Variants in XPO1 observed in about 807,000 individuals in gnomAD.
XPO1 encodes the protein exportin-1.
XPO1 carries 5 observed loss-of-function variants against 133.3 expected under a neutral mutation model. The observed-to-expected ratio is 0.04, with a 90% confidence interval of 0.02 to 0.08. XPO1 has a LOEUF of 0.08. XPO1 is among the 10% of genes least tolerant of loss of function. The pLI is 1.00. For synonymous variants in XPO1, 419 were observed against 408.2 expected, an observed-to-expected ratio of 1.03 and a Z score of -0.32; for missense variants, 506 against 1,267.5, an observed-to-expected ratio of 0.40 and a Z score of 9.12.
chr2:61,528,888 A>C (rs1699035011), intron 2 of XPO1, among the ~76,000 whole-genome samples: 1 of 151,584 alleles, frequency 6.6e-6, no homozygotes, highest in African/African-American at 2.4e-5. Flanking sequence ...TGTATCTTTA[A>C]AGGTTGTTTT....
intron 3 of XPO1, chr2:61,526,044 A>T: frequency 9.3e-7 from 1 of 1,077,026 alleles, no homozygotes; most frequent in South Asian, 4.2e-5. Context: ...CTGTCCACAC[A>T]ACTTGGTGTC....
chr2:61,488,352 C>T (rs1696795796), intron 18 of XPO1, 81 bp from the exon 19 acceptor site: 1 of 1,362,434 alleles, frequency 7.3e-7, no homozygotes, highest in Non-Finnish European at 1.0e-6. Context: ...GATGCAATTC[C>T]ATTTTACCAT....
Position 61,496,863 on chromosome 2 carries a change from G to C in XPO1, c.888+16C>G, listed in dbSNP as rs775536897. On this transcript the variant is annotated intron_variant, in intron 10 of 24. Coordinates refer to ENST00000401558, the MANE Select transcript of XPO1 (RefSeq NM_003400.4). ...CTAAAATTATTCAGCCAATTTTCAA[G>C]ATAGTATTATATTACCTGCTTTAGT... is the stretch of plus-strand genomic sequence containing the variant. 25 of 1,539,610 alleles carry C rather than the reference G, an allele frequency of 1.6e-5. No homozygotes were observed. Among genetic ancestry groups the C allele is most frequent in the Non-Finnish European group, 2.1e-5 (24 of 1,146,180 alleles).
At position 61,478,391 on chromosome 2, in the gene XPO1, C is replaced by T. The variant is rs1246885825; in HGVS notation, c.*429G>A. ...TGCAGCACTATAATCCTTTAAACAA[C>T]GCAATTTGTTTTACTCATTATCTTT... is the stretch of plus-strand genomic sequence containing the variant. On this transcript the variant is annotated 3_prime_UTR_variant, in exon 25 of 25. Transcript: ENST00000401558. 7.8e-6 allele frequency: 2 copies of T among 255,140 alleles called. No individual in the cohort carries two copies. Among genetic ancestry groups the T allele is most frequent in the East Asian group, 1.2e-4 (2 of 17,314 alleles). 15.8% of individuals were successfully genotyped at this position (255,140 alleles called of 1,614,324 possible).
chr2:61,527,931 C>CT lies in XPO1; in HGVS notation c.127-1411dup, dbSNP rs879696205. 4.7e-4 allele frequency among the ~76,000 whole-genome samples: 68 copies of CT among 144,322 alleles called. 1 individual carries two copies. The highest frequency in any genetic ancestry group is 2.4e-3 in the South Asian group (11 of 4,532). The allele number at this position is 144,322 out of a possible 152,430, so 94.7% of individuals were successfully genotyped here. On this transcript the variant is annotated intron_variant, in intron 2 of 24. Coordinates refer to ENST00000401558, the MANE Select transcript of XPO1 (RefSeq NM_003400.4). ...TCCTTCCTTTATTCCTTTTTTCTCT[C>CT]TTTTTTTTTTTTAAAGTTGGAGTCT...
At chr2:61,507,983 G>A (rs1697910834) in intron 4 of XPO1, among the ~76,000 whole-genome samples, 1 of 152,078 alleles carries the variant, frequency 6.6e-6, no homozygotes, top group African/African-American at 2.4e-5. Flanking sequence ...ATCTTCAATG[G>A]ATTCAGATAC....
chr2:61,506,110 T>C (rs1463157429), intron 4 of XPO1, among the ~76,000 whole-genome samples: 1 of 152,006 alleles, frequency 6.6e-6, no homozygotes, highest in Non-Finnish European at 1.5e-5. Flanking sequence ...AATAAATAAA[T>C]AAATGCAGGT....
At chr2:61,483,414 C>A in intron 21 of XPO1, 1 of 240,272 alleles carries the variant, frequency 4.2e-6, no homozygotes. Context: ...AGGTGGAGTT[C>A]ATACACATGA....
At chr2:61,496,787 T>C in intron 10 of XPO1, 92 bp downstream of exon 10, 1 of 1,283,464 alleles carries the variant, frequency 7.8e-7, no homozygotes, top group South Asian at 2.0e-5. Flanking sequence ...GGCTTATCTT[T>C]GATACGTCGT....
chr2:61,516,781 C>A (rs765756721), intron 4 of XPO1, among the ~76,000 whole-genome samples: 3 of 152,074 alleles, frequency 2.0e-5, no homozygotes, highest in African/African-American at 7.2e-5. Context: ...TTAAAACAAT[C>A]CCTTGGTTTA....
At chr2:61,518,968 C>T (rs954480639) in intron 4 of XPO1, among the ~76,000 whole-genome samples, 9 of 151,270 alleles carry the variant, frequency 5.9e-5, no homozygotes, top group African/African-American at 9.7e-5. Context: ...ATCTTTTGCT[C>T]TTTTTTTTTG....
intron 4 of XPO1, among the ~76,000 whole-genome samples, chr2:61,517,461 T>C (rs1698450774): frequency 6.6e-6 from 1 of 152,188 alleles, no homozygotes; most frequent in Non-Finnish European, 1.5e-5. Flanking sequence ...GGCACATGCC[T>C]GTAGTCCTAG....
At chr2:61,524,257 CATAA>C (rs1310566582) in intron 3 of XPO1, among the ~76,000 whole-genome samples, 8 of 152,092 alleles carry the variant, frequency 5.3e-5, no homozygotes, top group Admixed American at 3.9e-4. Context: ...CAAAACCCAC[CATAA>C]ATATAGTTAC....
chr2:61,480,446 A>G (rs1558624081), intron 24 of XPO1: 1 of 151,408 alleles, frequency 6.6e-6, no homozygotes, highest in Non-Finnish European at 1.5e-5. Context: ...CGCCTGGCTA[A>G]TTTTTGTATT....
At chr2:61,513,517 G>A (rs1166744993) in intron 4 of XPO1, among the ~76,000 whole-genome samples, 1 of 151,536 alleles carries the variant, frequency 6.6e-6, no homozygotes. Context: ...TAGACATGCG[G>A]TTTCACCCTG....
At chr2:61,497,634 G>C (rs1697306171) in intron 9 of XPO1, among the ~76,000 whole-genome samples, 1 of 152,100 alleles carries the variant, frequency 6.6e-6, no homozygotes, top group South Asian at 2.1e-4. Context: ...TAAAACTTGT[G>C]ATTGCTTAGA....
At chr2:61,524,136 T>C (rs889316286) in intron 3 of XPO1, among the ~76,000 whole-genome samples, 5 of 152,192 alleles carry the variant, frequency 3.3e-5, no homozygotes, top group African/African-American at 1.2e-4. Flanking sequence ...TTTCTTTAAT[T>C]TTATAGGCAC....
chr2:61,518,517 T>C (rs1281863887), intron 4 of XPO1, among the ~76,000 whole-genome samples: 1 of 149,576 alleles, frequency 6.7e-6, no homozygotes, highest in Non-Finnish European at 1.5e-5. Flanking sequence ...CTCAGGAGGC[T>C]GAGGCAGGAG....
intron 4 of XPO1, among the ~76,000 whole-genome samples, chr2:61,512,523 G>C (rs1273996519): frequency 6.6e-6 from 1 of 152,096 alleles, no homozygotes; most frequent in African/African-American, 2.4e-5. Context: ...TTGACTAGCT[G>C]GATTAAACTA....
Sources: gnomAD v4.1 joint callset for allele counts (sites outside exome capture counted in the v4.1 genomes callset) on GRCh38, gnomAD v4.1.1 for gene constraint, MANE v1.5 for transcripts, NCBI Gene and HGNC (gene_info 2026-07-23, HGNC 2026-07-21) for gene names.